Variants in ENTREP2 observed in about 807,000 individuals in gnomAD.
The protein encoded by ENTREP2 is endosomal transmembrane epsin interactor 2.
the ENTREP2 span, among the ~76,000 whole-genome samples, chr15:29,280,419 T>C: frequency 2.0e-5 from 3 of 152,102 alleles, no homozygotes; most frequent in Non-Finnish European, 4.4e-5. Context: ...TAAAGAAGAA[T>C]GGCATTCCAG....
chr15:29,202,718 G>A, the ENTREP2 span, among the ~76,000 whole-genome samples: 1 of 152,008 alleles, frequency 6.6e-6, no homozygotes, highest in Admixed American at 6.5e-5. Flanking sequence ...TCCTACTTAT[G>A]AGTGAGAACA....
chr15:29,554,987 T>C, the ENTREP2 span, among the ~76,000 whole-genome samples: 1 of 152,296 alleles, frequency 6.6e-6, no homozygotes, highest in East Asian at 1.9e-4. Context: ...TACATTATAG[T>C]CATTCAATAG....
the ENTREP2 span, among the ~76,000 whole-genome samples, chr15:29,391,121 G>GT: frequency 6.6e-6 from 1 of 151,890 alleles, no homozygotes; most frequent in Non-Finnish European, 1.5e-5. Flanking sequence ...CTTTCTCTGA[G>GT]TCTTGCTGGG....
the ENTREP2 span, among the ~76,000 whole-genome samples, chr15:29,551,563 C>A: frequency 6.6e-6 from 1 of 152,108 alleles, no homozygotes; most frequent in Non-Finnish European, 1.5e-5. Flanking sequence ...TCATAAGATA[C>A]CAGTTCTCAG....
At chr15:29,118,706 C>T in the ENTREP2 span, among the ~76,000 whole-genome samples, 2 of 151,404 alleles carry the variant, frequency 1.3e-5, no homozygotes, top group South Asian at 2.1e-4. Flanking sequence ...CATGCGTGTG[C>T]GTGTGTAAAA....
chr15:29,517,383 G>C, the ENTREP2 span, among the ~76,000 whole-genome samples: 2 of 152,154 alleles, frequency 1.3e-5, no homozygotes, highest in African/African-American at 4.8e-5. Context: ...TTGGTGATTA[G>C]CCTGAGGTCA....
the ENTREP2 span, among the ~76,000 whole-genome samples, chr15:29,300,728 AGCTGGGACTACAG>A: frequency 6.6e-6 from 1 of 152,016 alleles, no homozygotes; most frequent in South Asian, 2.1e-4. Flanking sequence ...CCTCCCGAGT[AGCTGGGACTACAG>A]GCACCTGCCA....
the ENTREP2 span, among the ~76,000 whole-genome samples, chr15:29,400,111 AT>A: frequency 2.6e-5 from 4 of 152,302 alleles, no homozygotes; most frequent in African/African-American, 9.6e-5. Context: ...CCTAATTAGT[AT>A]GTGTGACTCT....
chr15:29,165,110 A>T, the ENTREP2 span, among the ~76,000 whole-genome samples: 1 of 152,190 alleles, frequency 6.6e-6, no homozygotes, highest in Non-Finnish European at 1.5e-5. Context: ...AAATTAAAAA[A>T]TTCTTCGAAC....
chr15:29,652,588 C>A, the ENTREP2 span, among the ~76,000 whole-genome samples: 20 of 152,246 alleles, frequency 1.3e-4, no homozygotes, highest in African/African-American at 4.6e-4. Flanking sequence ...CTGTGACTCC[C>A]TCTTTGAGGC....
chr15:29,170,754 T>C, the ENTREP2 span, among the ~76,000 whole-genome samples: 1 of 152,246 alleles, frequency 6.6e-6, no homozygotes, highest in East Asian at 1.9e-4. Context: ...TCGACCATGC[T>C]GGCACTTTGA....
chr15:29,523,355 TA>T, the ENTREP2 span, among the ~76,000 whole-genome samples: 2 of 152,072 alleles, frequency 1.3e-5, no homozygotes, highest in Non-Finnish European at 2.9e-5. Context: ...TATAACAGCA[TA>T]AAAAATACAA....
At chr15:29,206,884 G>A in the ENTREP2 span, among the ~76,000 whole-genome samples, 2 of 152,194 alleles carry the variant, frequency 1.3e-5, no homozygotes, top group Non-Finnish European at 2.9e-5. Context: ...AATCCCTTCC[G>A]TGTTCTGCCT....
chr15:29,555,892 C>T, the ENTREP2 span, among the ~76,000 whole-genome samples: 2 of 152,188 alleles, frequency 1.3e-5, no homozygotes, highest in Non-Finnish European at 2.9e-5. Context: ...TGTGCCCACA[C>T]CCCTGTCAAA....
chr15:29,667,170 A>G, the ENTREP2 span, among the ~76,000 whole-genome samples: 2 of 151,466 alleles, frequency 1.3e-5, no homozygotes, highest in Admixed American at 6.6e-5. Flanking sequence ...GCTTCAACAT[A>G]TATTTTCTTT....
the ENTREP2 span, among the ~76,000 whole-genome samples, chr15:29,404,944 C>T: frequency 6.6e-6 from 1 of 152,076 alleles, no homozygotes; most frequent in African/African-American, 2.4e-5. Flanking sequence ...CTGACCAGCT[C>T]ACCCTGGGCC....
the ENTREP2 span, chr15:29,610,374 A>G: frequency 1.3e-5 from 2 of 150,540 alleles, no homozygotes; most frequent in African/African-American, 4.9e-5. Flanking sequence ...AAGGCACCCA[A>G]GGTTTTCTGT....
At chr15:29,179,867 G>A in the ENTREP2 span, among the ~76,000 whole-genome samples, 223 of 152,228 alleles carry the variant, frequency 1.5e-3, no homozygotes, top group Non-Finnish European at 2.6e-3. Context: ...TTACAGGCGT[G>A]AGCCACCGCG....
At chr15:29,484,187 C>T in the ENTREP2 span, among the ~76,000 whole-genome samples, 1 of 152,200 alleles carries the variant, frequency 6.6e-6, no homozygotes, top group Non-Finnish European at 1.5e-5. Flanking sequence ...AACAACTGAA[C>T]TTCACATCTA....
Sources: allele counts gnomAD v4.1 joint callset (sites outside exome capture counted in the v4.1 genomes callset), GRCh38; gene constraint gnomAD v4.1.1; transcripts MANE v1.5; gene names NCBI Gene and HGNC (gene_info 2026-07-23, HGNC 2026-07-21).